Variants in LPXN observed in about 807,000 individuals in gnomAD.
LPXN encodes the protein leupaxin.
LPXN carries 28 observed loss-of-function variants against 45.6 expected under a neutral mutation model. The observed-to-expected ratio is 0.61, with a 90% CI of 0.45 to 0.84. The LOEUF (loss-of-function observed/expected upper bound fraction) is 0.84. Among genes scored for constraint, LPXN ranks in the 40% least tolerant of loss-of-function variants. The pLI is 0.00. For synonymous variants in LPXN, 166 were observed against 169.9 expected (o/e 0.98, Z 0.18); for missense variants, 459 against 475.0 (o/e 0.97, Z 0.31).
rs1210689168 is a variant in LPXN at position 58,550,045 on chromosome 11, C to T, written c.588G>A (p.Leu196=). ...GSSPFFERSG[L]AYCPNDYHQL... ...GGTGGTAGTCGTTGGGGCAGTAGGC[C>T]AAGCCACTCCGCTCAAAGAAGGGAC... The change falls in exon 6 of 9, where the codon TTG becomes TTA. Residue 196 remains leucine (L), a synonymous_variant. Coordinates refer to ENST00000395074, the MANE Select transcript of LPXN (RefSeq NM_004811.3). The T allele has an allele frequency of 6.2e-7, 1 of 1,614,066 alleles. No individual in the cohort carries two copies. Among genetic ancestry groups the T allele is most frequent in the Non-Finnish European group, 8.5e-7 (1 of 1,179,988 alleles).
rs1176798296 is a variant in LPXN at position 58,527,635 on chromosome 11, G to A, written c.980C>T (p.Thr327Met). The A allele has an allele frequency of 8.1e-6, 13 of 1,614,060 alleles. No homozygotes were observed. Among genetic ancestry groups the A allele is most frequent in the Non-Finnish European group, 7.6e-6 (9 of 1,180,028 alleles). ...CELHYHHRRG[T>M]LCHGCGQPIT... ...GGGCTGCCCACACCCATGGCAGAGC[G>A]TTCCCCGGCGGTGATGGTAATGGAG... The change falls in exon 9 of 9, where the codon ACG (threonine) becomes ATG (methionine). Residue 327 changes from threonine (T) to methionine (M), a missense_variant. Thr to Met is a moderately conservative substitution (Grantham distance 81, BLOSUM62 -1). Transcript: ENST00000395074.
At chr11:58,543,041 C>A (rs905606169) in intron 7 of LPXN, among the ~76,000 whole-genome samples, 2 of 152,164 alleles carry the variant, frequency 1.3e-5, no homozygotes, top group Admixed American at 1.3e-4. Context: ...CCTTTGCTTA[C>A]CTCAGGGGTC....
At chr11:58,536,758 C>T (rs1250234099) in intron 7 of LPXN, among the ~76,000 whole-genome samples, 2 of 151,780 alleles carry the variant, frequency 1.3e-5, no homozygotes, top group Non-Finnish European at 2.9e-5. Context: ...GCAATCTATC[C>T]ATCTGACAAA....
intron 7 of LPXN, among the ~76,000 whole-genome samples, chr11:58,536,034 T>C (rs1199052018): frequency 6.6e-6 from 1 of 152,174 alleles, no homozygotes; most frequent in Non-Finnish European, 1.5e-5. Flanking sequence ...GGAAAAATAT[T>C]CCATGCTTCT....
rs1402713795 is a variant in LPXN, at chr11:58,527,143, T to C, written c.*311A>G. 3.9e-6 allele frequency: 1 copy of C among 253,512 alleles called. No individual in the cohort carries two copies. The highest frequency in any genetic ancestry group is 6.7e-5 in the South Asian group (1 of 14,948). 15.7% of individuals were successfully genotyped at this position (253,512 alleles called of 1,614,324 possible). A position where few individuals can be genotyped will look rare whatever the true frequency, so the allele number is the denominator to read the frequency against. ...ATGGAGAAACCTAAGAAAACCAGTG[T>C]TGGCATGAATTATGCAAGTGGAAAA... On this transcript the variant is annotated 3_prime_UTR_variant, in exon 9 of 9. Coordinates refer to ENST00000395074, the MANE Select transcript of LPXN (RefSeq NM_004811.3).
chr11:58,555,335 T>C (rs1037373159), intron 3 of LPXN, among the ~76,000 whole-genome samples: 1 of 152,222 alleles, frequency 6.6e-6, no homozygotes, highest in Non-Finnish European at 1.5e-5. Context: ...AAAGACTTTA[T>C]AGTCCACAAA....
chr11:58,575,983 C>T, upstream of LPXN: 1 of 1,376,912 alleles, frequency 7.3e-7, no homozygotes, highest in Non-Finnish European at 9.5e-7. Context: ...AAAAATGTGA[C>T]TGACATAGAA....
intron 7 of LPXN, among the ~76,000 whole-genome samples, chr11:58,543,786 T>C (rs1017723110): frequency 6.6e-6 from 1 of 152,180 alleles, no homozygotes; most frequent in African/African-American, 2.4e-5. Flanking sequence ...ATGAGAGTTC[T>C]ACCTCTTCCC....
chr11:58,548,040 T>TA (rs1256064267), intron 7 of LPXN, among the ~76,000 whole-genome samples: 2 of 152,004 alleles, frequency 1.3e-5, no homozygotes, highest in African/African-American at 2.4e-5. Context: ...GGATCAAGGA[T>TA]AAAAAAAATT....
At chr11:58,534,784 T>C (rs1037816022) in intron 7 of LPXN, among the ~76,000 whole-genome samples, 1 of 150,848 alleles carries the variant, frequency 6.6e-6, no homozygotes, top group Non-Finnish European at 1.5e-5. Flanking sequence ...GCCACACTAA[T>C]AAAGAAAAAA....
At chr11:58,558,101 G>A (rs1176380674) in intron 3 of LPXN, among the ~76,000 whole-genome samples, 1 of 151,970 alleles carries the variant, frequency 6.6e-6, no homozygotes, top group South Asian at 2.1e-4. Flanking sequence ...TTGGGACCTG[G>A]AGTTGCGAAC....
At chr11:58,556,406 T>C (rs1289072042) in intron 3 of LPXN, among the ~76,000 whole-genome samples, 1 of 152,020 alleles carries the variant, frequency 6.6e-6, no homozygotes, top group Non-Finnish European at 1.5e-5. Context: ...ATAAGAAATA[T>C]ATAGCAAGCC....
chr11:58,531,538 C>T (rs990133749), intron 7 of LPXN, among the ~76,000 whole-genome samples: 2 of 151,964 alleles, frequency 1.3e-5, no homozygotes, highest in Admixed American at 6.6e-5. Context: ...AATAAAGCCT[C>T]CAAGAAATAT....
chr11:58,555,690 G>T (rs576083176), intron 3 of LPXN, among the ~76,000 whole-genome samples: 1 of 151,720 alleles, frequency 6.6e-6, no homozygotes, highest in East Asian at 1.9e-4. Flanking sequence ...TAATTCTTGG[G>T]ATAAAAAAAT....
rs1475005445 is a variant in LPXN at position 58,564,154 on chromosome 11, C to T, written c.218+1G>A. 2 of 1,582,770 alleles carry T rather than the reference C, an allele frequency of 1.3e-6. No homozygotes were observed. Among genetic ancestry groups the T allele is most frequent in the African/African-American group, 2.7e-5 (2 of 73,540 alleles). On this transcript the variant is annotated splice_donor_variant, in intron 3 of 8. Transcript: ENST00000395074. LOFTEE classifies it high-confidence loss of function. ...AAAGCATTTAATAGAAAAAAAAATA[C>T]CTGTAGACATTGAGCTCCTGGATAT...
chr11:58,528,293 A>C, intron 7 of LPXN, 102 bp from the exon 8 acceptor site: 1 of 1,050,460 alleles, frequency 9.5e-7, no homozygotes, highest in Non-Finnish European at 1.4e-6. Flanking sequence ...CTCATATTCA[A>C]AATAGGATGA....
chr11:58,557,126 A>G (rs1257540624), intron 3 of LPXN, among the ~76,000 whole-genome samples: 4 of 152,208 alleles, frequency 2.6e-5, no homozygotes, highest in Non-Finnish European at 5.9e-5. Context: ...ATTACAGAAA[A>G]TAATATGCAG....
At chr11:58,544,481 A>C (rs147210652) in intron 7 of LPXN, among the ~76,000 whole-genome samples, 1 of 152,184 alleles carries the variant, frequency 6.6e-6, no homozygotes, top group African/African-American at 2.4e-5. Context: ...CATGCCAACT[A>C]TCTGAGAAAT....
intron 3 of LPXN, 130 bp from the exon 4 acceptor site, chr11:58,555,070 G>A (rs1590562533): frequency 1.0e-5 from 6 of 579,822 alleles, no homozygotes; most frequent in South Asian, 4.3e-5. Flanking sequence ...CAGAGATGGG[G>A]GTATTTTAAA....
Sources: allele counts gnomAD v4.1 joint callset (sites outside exome capture counted in the v4.1 genomes callset), GRCh38; gene constraint gnomAD v4.1.1; transcripts MANE v1.5; gene names NCBI Gene and HGNC (gene_info 2026-07-23, HGNC 2026-07-21).